Variants in SLC71A2 observed in about 807,000 individuals in gnomAD.
The protein encoded by SLC71A2 is hippocampus abundant transcript-like 1.
At chr9:94,374,741 G>A in the SLC71A2 span, 1 of 189,486 alleles carries the variant, frequency 5.3e-6, no homozygotes, top group Admixed American at 6.3e-5. Flanking sequence ...GAGCCCATGA[G>A]GGCGCGGGCA....
chr9:94,420,458 C>T, the SLC71A2 span, among the ~76,000 whole-genome samples: 1 of 152,056 alleles, frequency 6.6e-6, no homozygotes, highest in Non-Finnish European at 1.5e-5. Flanking sequence ...TGTTTTATGC[C>T]TTTGATTGAA....
chr9:94,447,094 C>G, the SLC71A2 span, among the ~76,000 whole-genome samples: 3 of 152,014 alleles, frequency 2.0e-5, no homozygotes, highest in Non-Finnish European at 4.4e-5. Flanking sequence ...AAACAGGGCA[C>G]CTTTAATGCA....
chr9:94,421,891 A>T, the SLC71A2 span, among the ~76,000 whole-genome samples: 1 of 151,818 alleles, frequency 6.6e-6, no homozygotes, highest in African/African-American at 2.4e-5. Flanking sequence ...AACACTTCAC[A>T]TAATGTTGTT....
At chr9:94,391,640 C>A in the SLC71A2 span, among the ~76,000 whole-genome samples, 1 of 150,704 alleles carries the variant, frequency 6.6e-6, no homozygotes, top group Non-Finnish European at 1.5e-5. Context: ...GTAATCCTAG[C>A]ACTTTGGGAG....
chr9:94,435,647 C>CTT, the SLC71A2 span, among the ~76,000 whole-genome samples: 20 of 81,830 alleles, frequency 2.4e-4, no homozygotes, highest in East Asian at 3.2e-4. Context: ...CTTTTTCCTT[C>CTT]TTCTTTTTTT....
chr9:94,451,109 T>C, the SLC71A2 span, among the ~76,000 whole-genome samples: 4 of 152,222 alleles, frequency 2.6e-5, no homozygotes, highest in Admixed American at 2.6e-4. Flanking sequence ...TGAGCAATGC[T>C]GTATTGGCAG....
chr9:94,421,968 C>T, the SLC71A2 span, among the ~76,000 whole-genome samples: 3 of 152,122 alleles, frequency 2.0e-5, no homozygotes, highest in South Asian at 2.1e-4. Flanking sequence ...GGCTGGAGTG[C>T]AGTTGCGCTA....
chr9:94,404,646 T>G, the SLC71A2 span, among the ~76,000 whole-genome samples: 994 of 152,288 alleles, frequency 6.5e-3, 8 homozygotes, highest in South Asian at 0.025. Context: ...GTATCTCTTT[T>G]AGAGAGGGCT....
chr9:94,402,639 C>G, the SLC71A2 span, among the ~76,000 whole-genome samples: 9 of 152,154 alleles, frequency 5.9e-5, no homozygotes, highest in Non-Finnish European at 1.2e-4. Context: ...TTCTTCCAAT[C>G]TGTGGCTTAT....
the SLC71A2 span, chr9:94,374,692 T>TGGC: frequency 1.3e-5 from 2 of 154,918 alleles, no homozygotes; most frequent in Non-Finnish European, 2.8e-5. Flanking sequence ...GCGCCGCCGC[T>TGGC]GGCGCCGCCG....
chr9:94,448,350 TAA>T, the SLC71A2 span, among the ~76,000 whole-genome samples: 1 of 150,542 alleles, frequency 6.6e-6, no homozygotes, highest in Admixed American at 6.6e-5. Flanking sequence ...TTAAAGCAAT[TAA>T]AAAAAAGAAA....
At chr9:94,458,568 A>G in the SLC71A2 span, 1 of 1,141,344 alleles carries the variant, frequency 8.8e-7, no homozygotes, top group East Asian at 2.4e-5. Context: ...ATGTTACTAT[A>G]TTTTATTTGG....
chr9:94,444,066 AT>A, the SLC71A2 span, among the ~76,000 whole-genome samples: 1 of 152,180 alleles, frequency 6.6e-6, no homozygotes, highest in East Asian at 1.9e-4. Context: ...ATGAAAAAGA[AT>A]TTTTTATTGC....
chr9:94,432,003 A>G, the SLC71A2 span, among the ~76,000 whole-genome samples: 2 of 152,096 alleles, frequency 1.3e-5, no homozygotes, highest in Non-Finnish European at 2.9e-5. Flanking sequence ...GGAGGCTCTC[A>G]TTAGATTCTA....
At chr9:94,384,407 CG>C in the SLC71A2 span, among the ~76,000 whole-genome samples, 1 of 149,782 alleles carries the variant, frequency 6.7e-6, no homozygotes, top group South Asian at 2.1e-4. Context: ...GGCATGATCA[CG>C]GCTCAGTGGA....
the SLC71A2 span, chr9:94,459,375 C>T: frequency 6.2e-7 from 1 of 1,614,050 alleles, no homozygotes; most frequent in African/African-American, 1.3e-5. Flanking sequence ...GAGCTCTCTT[C>T]ATTTGAGGAG....
At chr9:94,440,650 CCTTA>C in the SLC71A2 span, among the ~76,000 whole-genome samples, 1 of 151,890 alleles carries the variant, frequency 6.6e-6, no homozygotes, top group Non-Finnish European at 1.5e-5. Context: ...TATGTCTTTT[CCTTA>C]CTTACAGCTA....
the SLC71A2 span, among the ~76,000 whole-genome samples, chr9:94,394,963 G>C: frequency 2.2e-5 from 2 of 90,218 alleles, no homozygotes; most frequent in South Asian, 8.2e-4. Flanking sequence ...GCCTAGGCTG[G>C]AGTGCAGTGG....
At chr9:94,424,727 CTTTTTTT>C in the SLC71A2 span, among the ~76,000 whole-genome samples, 172 of 91,824 alleles carry the variant, frequency 1.9e-3, no homozygotes, top group African/African-American at 5.7e-3. Flanking sequence ...TTGTTTTCTG[CTTTTTTT>C]TTTTTTTTTT....
Sources: allele counts gnomAD v4.1 joint callset (sites outside exome capture counted in the v4.1 genomes callset), GRCh38; gene constraint gnomAD v4.1.1; transcripts MANE v1.5; gene names NCBI Gene and HGNC (gene_info 2026-07-23, HGNC 2026-07-21).